ST6GALNAC5: variants seen among roughly 807,000 people sequenced by gnomAD.
The protein encoded by ST6GALNAC5 is ST6 N-acetylgalactosaminide alpha-2,6-sialyltransferase 5.
In ST6GALNAC5, 27 loss-of-function variants were observed where a neutral mutation model predicts 33.6. The ratio of observed to expected loss-of-function variants is 0.80; its 90% CI spans 0.59 to 1.11. The LOEUF (loss-of-function observed/expected upper bound fraction) is 1.11, where lower values mean the gene tolerates loss of function less well. Ranked by LOEUF, ST6GALNAC5 falls within the 50% of genes least tolerant of loss-of-function variation. The pLI is 0.00. For synonymous variants in ST6GALNAC5, 194 were observed against 171.2 expected (o/e 1.13, Z -1.04); for missense variants, 428 against 454.0 (o/e 0.94, Z 0.52).
At chr1:76,991,200 G>T (rs1235284300) in intron 2 of ST6GALNAC5, among the ~76,000 whole-genome samples, 3 of 152,090 alleles carry the variant, frequency 2.0e-5, no homozygotes. Context: ...TCCACCAATT[G>T]CTTTTATTCA....
chr1:76,869,139 A>T (rs1180204404), intron 2 of ST6GALNAC5: 1 of 188,546 alleles, frequency 5.3e-6, no homozygotes, highest in Non-Finnish European at 1.1e-5. Context: ...CGTTCCTCTG[A>T]CCCGGAACCG....
At chr1:76,942,204 G>A (rs1365412078) in intron 2 of ST6GALNAC5, among the ~76,000 whole-genome samples, 1 of 152,034 alleles carries the variant, frequency 6.6e-6, no homozygotes, top group African/African-American at 2.4e-5. Flanking sequence ...TTGGCCTTTT[G>A]TCTTCTAACC....
At chr1:76,957,707 G>A (rs1371377344) in intron 2 of ST6GALNAC5, among the ~76,000 whole-genome samples, 2 of 144,844 alleles carry the variant, frequency 1.4e-5, no homozygotes, top group Admixed American at 1.5e-4. Flanking sequence ...GTATCTATTA[G>A]GCAAAATAAC....
chr1:77,063,073 G>T lies in ST6GALNAC5; in HGVS notation c.878G>T (p.Ser293Ile). 3.7e-6 allele frequency: 6 copies of T among 1,613,968 alleles called. No homozygotes were observed. Among genetic ancestry groups the T allele is most frequent in the Non-Finnish European group, 5.1e-6 (6 of 1,179,924 alleles). The stretch of plus-strand genomic sequence containing the variant: ...TCCCATGAGCGAGGACGCAAGGGCA[G>T]TCATCACCGCTTTATCACAGAGAAA... ...YLSHERGRKG[S>I]HHRFITEKRV... Residue 293 changes from serine to isoleucine, a missense_variant, in exon 5 of 5, where the codon AGT becomes ATT. By Grantham distance (142) the Ser-to-Ile change is moderately radical. Coordinates refer to ENST00000477717, the MANE Select transcript of ST6GALNAC5 (RefSeq NM_030965.3).
At chr1:76,894,351 C>T (rs1654078294) in intron 2 of ST6GALNAC5, among the ~76,000 whole-genome samples, 1 of 152,126 alleles carries the variant, frequency 6.6e-6, no homozygotes, top group South Asian at 2.1e-4. Context: ...CGCACACCTG[C>T]CACCACCCCT....
intron 2 of ST6GALNAC5, among the ~76,000 whole-genome samples, chr1:77,021,518 G>A (rs1651054154): frequency 1.3e-5 from 2 of 152,120 alleles, no homozygotes; most frequent in South Asian, 2.1e-4. Flanking sequence ...ATATGTGTGT[G>A]TCTCCTCCCA....
chr1:77,033,181 C>T (rs1651522490), intron 2 of ST6GALNAC5, among the ~76,000 whole-genome samples: 1 of 152,178 alleles, frequency 6.6e-6, no homozygotes, highest in South Asian at 2.1e-4. Context: ...AACAAATAGG[C>T]CTGTCCCACT....
chr1:76,962,797 T>A (rs1043434373), intron 2 of ST6GALNAC5, among the ~76,000 whole-genome samples: 9 of 152,328 alleles, frequency 5.9e-5, no homozygotes, highest in Middle Eastern at 3.4e-3. Context: ...TTAATCAGAT[T>A]TTTTCATAAT....
chr1:76,905,141 C>T (rs1463557719), intron 2 of ST6GALNAC5, among the ~76,000 whole-genome samples: 6 of 152,120 alleles, frequency 3.9e-5, no homozygotes, highest in Admixed American at 2.0e-4. Context: ...ACTAAATACC[C>T]TTGTTGTTGT....
intron 2 of ST6GALNAC5, among the ~76,000 whole-genome samples, chr1:77,008,374 G>T (rs759393485): frequency 1.3e-5 from 2 of 152,166 alleles, no homozygotes; most frequent in Non-Finnish European, 1.5e-5. Context: ...TTGGGCAAAT[G>T]ACTTAACCTC....
At chr1:77,040,722 T>C (rs866893474) in intron 2 of ST6GALNAC5, among the ~76,000 whole-genome samples, 2 of 152,214 alleles carry the variant, frequency 1.3e-5, no homozygotes, top group Non-Finnish European at 2.9e-5. Flanking sequence ...CTAGTAATAA[T>C]GACTACAGTA....
At chr1:77,057,285 A>G (rs181396164) in intron 4 of ST6GALNAC5, among the ~76,000 whole-genome samples, 312 of 152,316 alleles carry the variant, frequency 2.0e-3, no homozygotes, top group African/African-American at 7.4e-3. Context: ...ACTATAGGAG[A>G]GAAAAAGTAA....
At chr1:76,943,553 C>T (rs1647407817) in intron 2 of ST6GALNAC5, among the ~76,000 whole-genome samples, 1 of 151,964 alleles carries the variant, frequency 6.6e-6, no homozygotes, top group South Asian at 2.1e-4. Context: ...GTTAAGAGTC[C>T]CTGATCACAG....
At chr1:76,903,233 A>T (rs1646834879) in intron 2 of ST6GALNAC5, among the ~76,000 whole-genome samples, 1 of 152,332 alleles carries the variant, frequency 6.6e-6, no homozygotes, top group African/African-American at 2.4e-5. Flanking sequence ...AAAGAATCTC[A>T]ATAGACGTAT....
intron 2 of ST6GALNAC5, among the ~76,000 whole-genome samples, chr1:76,938,058 T>C (rs1348923936): frequency 6.6e-6 from 1 of 151,986 alleles, no homozygotes; most frequent in South Asian, 2.1e-4. Flanking sequence ...AGAAAGAGCA[T>C]CGAGAAGAAA....
chr1:77,059,121 C>T (rs1652492923), intron 4 of ST6GALNAC5, among the ~76,000 whole-genome samples: 1 of 152,138 alleles, frequency 6.6e-6, no homozygotes, highest in Non-Finnish European at 1.5e-5. Context: ...AAAAATAATA[C>T]TGAGAGTTCA....
intron 4 of ST6GALNAC5, among the ~76,000 whole-genome samples, chr1:77,058,706 T>C (rs1652478724): frequency 6.6e-6 from 1 of 152,218 alleles, no homozygotes; most frequent in South Asian, 2.1e-4. Context: ...CACTGTCTTA[T>C]AGGGGTGTTG....
chr1:76,886,002 A>G (rs1557709715), intron 2 of ST6GALNAC5, among the ~76,000 whole-genome samples: 1 of 152,202 alleles, frequency 6.6e-6, no homozygotes, highest in East Asian at 1.9e-4. Context: ...CTTCATGGGC[A>G]GTGGGGCAGT....
At chr1:77,005,238 G>A (rs1650354964) in intron 2 of ST6GALNAC5, among the ~76,000 whole-genome samples, 1 of 152,188 alleles carries the variant, frequency 6.6e-6, no homozygotes, top group African/African-American at 2.4e-5. Flanking sequence ...TATTCAGGTG[G>A]GAGTGACCCG....
Sources: gnomAD v4.1 joint callset for allele counts (sites outside exome capture counted in the v4.1 genomes callset) on GRCh38, gnomAD v4.1.1 for gene constraint, MANE v1.5 for transcripts, NCBI Gene and HGNC (gene_info 2026-07-23, HGNC 2026-07-21) for gene names.